The following ADAM22 variants were observed in gnomAD, a reference collection of about 807,000 sequenced individuals.
ADAM22 encodes ADAM metallopeptidase domain 22.
ADAM22 carries 65 observed loss-of-function variants against 144.6 expected under a neutral mutation model. That is an observed-to-expected ratio of 0.45 (90% CI 0.37 to 0.55). ADAM22 has a LOEUF of 0.55. ADAM22 is among the 20% of genes least tolerant of loss of function. The probability of loss-of-function intolerance (pLI) is 0.00; values close to 1 mark genes in which losing one functional copy is unlikely to be tolerated. For synonymous variants in ADAM22, 391 were observed against 412.6 expected (o/e 0.95, Z 0.63); for missense variants, 974 against 1,184.9 (o/e 0.82, Z 2.61).
At chr7:88,170,003 A>G (rs998125179) in intron 25 of ADAM22, among the ~76,000 whole-genome samples, 30 of 152,078 alleles carry the variant, frequency 2.0e-4, no homozygotes, top group Admixed American at 3.3e-4. Flanking sequence ...TTATTAAATT[A>G]TGTGTCTATT....
intron 18 of ADAM22, among the ~76,000 whole-genome samples, chr7:88,149,265 A>G (rs1837611649): frequency 6.6e-6 from 1 of 152,162 alleles, no homozygotes; most frequent in Non-Finnish European, 1.5e-5. Context: ...CTAACCTCAG[A>G]CTGCGTGCAT....
chr7:88,079,386 A>G (rs1267025072), intron 4 of ADAM22, among the ~76,000 whole-genome samples: 3 of 152,246 alleles, frequency 2.0e-5, no homozygotes, highest in Non-Finnish European at 2.9e-5. Context: ...CAGCCGCTGC[A>G]AAAACATGCC....
intron 28 of ADAM22, 30 bp from the exon 29 acceptor site, chr7:88,181,928 G>A: frequency 6.3e-7 from 1 of 1,598,640 alleles, no homozygotes; most frequent in Non-Finnish European, 8.5e-7. Context: ...TTATTTACAT[G>A]GAAATCTAGC....
rs954147238 is a variant in ADAM22, at chr7:88,020,335, G to A, written c.323+41923G>A. ...TGTAATTTGGGATTGGTTGGCTAAG[G>A]CCTAACAAAATGGGTTTTTAAGTCG... On this transcript the variant is annotated intron_variant, in intron 3 of 31. Coordinates refer to ENST00000413139, the MANE Select transcript of ADAM22 (RefSeq NM_001324418.2). Among the ~76,000 whole-genome samples the A allele has an allele frequency of 6.6e-5, 10 of 152,170 alleles. No individual in the cohort carries two copies. The East Asian group carries it at 1.7e-3, about 26-fold the overall frequency.
chr7:88,087,998 G>A (rs1359739967), intron 4 of ADAM22, among the ~76,000 whole-genome samples: 1 of 152,122 alleles, frequency 6.6e-6, no homozygotes, highest in Non-Finnish European at 1.5e-5. Flanking sequence ...AGGAGTGCGG[G>A]CCACCATTGA....
At chr7:88,090,383 T>C (rs1293499478) in intron 4 of ADAM22, among the ~76,000 whole-genome samples, 1 of 152,176 alleles carries the variant, frequency 6.6e-6, no homozygotes, top group Admixed American at 6.5e-5. Flanking sequence ...TGTCTTTCTA[T>C]GCTAATCAGA....
At chr7:88,045,062 G>A (rs1053106011) in intron 3 of ADAM22, among the ~76,000 whole-genome samples, 7 of 150,556 alleles carry the variant, frequency 4.6e-5, no homozygotes, top group Non-Finnish European at 1.0e-4. Flanking sequence ...TTGTTGCCCA[G>A]GCTGGAGTAC....
chr7:88,070,566 G>A (rs1214015459), intron 3 of ADAM22, among the ~76,000 whole-genome samples: 4 of 152,092 alleles, frequency 2.6e-5, no homozygotes, highest in African/African-American at 9.7e-5. Context: ...TGCTTCTTAT[G>A]CAAGCATCAC....
chr7:88,114,804 A>G (rs560265634), intron 6 of ADAM22, among the ~76,000 whole-genome samples, 157 bp downstream of exon 6: 28 of 152,280 alleles, frequency 1.8e-4, no homozygotes, highest in African/African-American at 6.3e-4. Context: ...TGATGGGTCT[A>G]TGTCCTGATA....
At chr7:88,035,666 T>TACAA (rs1353066401) in intron 3 of ADAM22, among the ~76,000 whole-genome samples, 1 of 152,238 alleles carries the variant, frequency 6.6e-6, no homozygotes, top group Non-Finnish European at 1.5e-5. Flanking sequence ...TACGTAGCAT[T>TACAA]CATGTTGTAT....
chr7:88,130,546 T>C (rs1831502316), intron 10 of ADAM22, 87 bp downstream of exon 10: 2 of 1,356,412 alleles, frequency 1.5e-6, no homozygotes, highest in African/African-American at 1.5e-5. Context: ...CTTATAGTTT[T>C]ACTGCTCTAT....
chr7:88,024,461 T>C (rs1449646911), intron 3 of ADAM22, among the ~76,000 whole-genome samples: 1 of 152,242 alleles, frequency 6.6e-6, no homozygotes, highest in Non-Finnish European at 1.5e-5. Context: ...CACTTTTTCA[T>C]ATGCCTGTTT....
intron 3 of ADAM22, among the ~76,000 whole-genome samples, chr7:88,007,327 GGT>G (rs2129458525): frequency 6.6e-6 from 1 of 152,198 alleles, no homozygotes; most frequent in East Asian, 1.9e-4. Context: ...TACTGCCCCA[GGT>G]AATTTATAGA....
At chr7:88,066,822 AG>A (rs1811374955) in intron 3 of ADAM22, among the ~76,000 whole-genome samples, 1 of 152,078 alleles carries the variant, frequency 6.6e-6, no homozygotes, top group African/African-American at 2.4e-5. Flanking sequence ...TTCCAAGAGG[AG>A]GGGTGATCAG....
chr7:88,155,942 G>C lies in ADAM22; in HGVS notation c.1843G>C (p.Gly615Arg), dbSNP rs1563346310. The C allele has an allele frequency of 1.2e-6, 2 of 1,613,360 alleles. No individual in the cohort carries two copies. Among genetic ancestry groups the C allele is most frequent in the Non-Finnish European group, 1.7e-6 (2 of 1,179,568 alleles). ...CAATATTGGCAATATCCCAAGGCTT[G>C]GAGAACTCGATGGTGAAATCACATC... Reference protein sequence around the residue: ...CTNIGNIPRLGELDGEITSTL... With the variant: ...CTNIGNIPRLRELDGEITSTL... Residue 615 changes from glycine to arginine, a missense_variant, in exon 22 of 32, where the codon GGA (glycine) becomes CGA (arginine). Physicochemically the swap from Gly to Arg is moderately radical, Grantham distance 125. Coordinates refer to ENST00000413139, the MANE Select transcript of ADAM22 (RefSeq NM_001324418.2).
intron 22 of ADAM22, among the ~76,000 whole-genome samples, chr7:88,160,449 A>G (rs1436985301): frequency 6.6e-6 from 1 of 152,054 alleles, no homozygotes; most frequent in African/African-American, 2.4e-5. Context: ...ACGTTGCTCA[A>G]CTTCAAACTA....
chr7:88,101,023 C>G (rs1185465224), intron 4 of ADAM22, among the ~76,000 whole-genome samples: 1 of 150,602 alleles, frequency 6.6e-6, no homozygotes, highest in Non-Finnish European at 1.5e-5. Flanking sequence ...CAGTAGGGTT[C>G]AAGGACAGGC....
chr7:87,998,217 G>A (rs1235236037), intron 3 of ADAM22, among the ~76,000 whole-genome samples: 11 of 152,150 alleles, frequency 7.2e-5, no homozygotes, highest in Non-Finnish European at 1.6e-4. Flanking sequence ...TTGAGGGTGG[G>A]TCTGCCTCTC....
chr7:87,995,574 T>G (rs998753412), intron 3 of ADAM22, among the ~76,000 whole-genome samples: 2 of 152,152 alleles, frequency 1.3e-5, no homozygotes, highest in African/African-American at 4.8e-5. Flanking sequence ...GGCATCATCG[T>G]GGGAAACTTG....
Sources: allele counts gnomAD v4.1 joint callset (sites outside exome capture counted in the v4.1 genomes callset), GRCh38; gene constraint gnomAD v4.1.1; transcripts MANE v1.5; gene names NCBI Gene and HGNC (gene_info 2026-07-23, HGNC 2026-07-21).